Variants in B3GALT1 observed in about 807,000 individuals in gnomAD.
The protein encoded by B3GALT1 is beta-1,3-galactosyltransferase 1, also known as UDP-Gal:betaGlcNAc beta 1,3-galactosyltransferase, polypeptide 1.
Under a neutral mutation model 23.2 loss-of-function variants are expected in B3GALT1, and 10 were observed. The ratio of observed to expected loss-of-function variants is 0.43; its 90% CI spans 0.27 to 0.73. The LOEUF (loss-of-function observed/expected upper bound fraction) is 0.73. Among genes scored for constraint, B3GALT1 ranks in the 30% least tolerant of loss-of-function variants. The probability of loss-of-function intolerance (pLI) is 0.21; values close to 1 mark genes in which losing one functional copy is unlikely to be tolerated. For synonymous variants in B3GALT1, 156 were observed against 141.5 expected (o/e 1.10, Z -0.73); for missense variants, 299 against 405.4 (o/e 0.74, Z 2.25).
intron 1 of B3GALT1, among the ~76,000 whole-genome samples, chr2:167,305,781 A>AT (rs1696542686): frequency 6.6e-6 from 1 of 152,170 alleles, no homozygotes; most frequent in African/African-American, 2.4e-5. Context: ...GACCACAAAG[A>AT]TAGCCATGAG....
intron 2 of B3GALT1, among the ~76,000 whole-genome samples, chr2:167,493,391 C>T (rs1699736900): frequency 6.6e-6 from 1 of 152,110 alleles, no homozygotes; most frequent in Non-Finnish European, 1.5e-5. Flanking sequence ...ATATACAAAG[C>T]CCTACATCAG....
chr2:167,312,815 C>A (rs749169165), intron 1 of B3GALT1, among the ~76,000 whole-genome samples: 1 of 152,070 alleles, frequency 6.6e-6, no homozygotes, highest in African/African-American at 2.4e-5. Context: ...GATAGCACAA[C>A]AGTTTAGGCA....
rs900279140 is a variant in B3GALT1 at position 167,604,381 on chromosome 2, A to G, written c.-409-42528A>G. On this transcript the variant is annotated intron_variant, in intron 2 of 4. Coordinates refer to ENST00000392690, the MANE Select transcript of B3GALT1 (RefSeq NM_020981.4). The stretch of plus-strand genomic sequence containing the variant: ...TTTGATTACATATCAAAAACAAGGG[A>G]CATTATTGGTTACTGAGTATGCAGT... 2.6e-5 allele frequency among the ~76,000 whole-genome samples: 4 copies of G among 152,336 alleles called. No homozygotes were observed. The East Asian group carries it at 7.7e-4, about 29-fold the overall frequency.
intron 2 of B3GALT1, among the ~76,000 whole-genome samples, chr2:167,637,913 C>G: frequency 6.6e-6 from 1 of 151,786 alleles, no homozygotes. Context: ...AAGTCTCTGC[C>G]CATAGTTGCT....
intron 2 of B3GALT1, among the ~76,000 whole-genome samples, chr2:167,542,386 C>T (rs1209653901): frequency 2.0e-5 from 3 of 152,230 alleles, no homozygotes; most frequent in Admixed American, 2.0e-4. Flanking sequence ...GGTGGTTTTG[C>T]TACATGCTTA....
At chr2:167,867,523 A>G (rs1172703967) in intron 4 of B3GALT1, among the ~76,000 whole-genome samples, 1 of 152,160 alleles carries the variant, frequency 6.6e-6, no homozygotes, top group African/African-American at 2.4e-5. Context: ...ATATATTCAC[A>G]GTCAGCTCTT....
chr2:167,812,103 C>G lies in B3GALT1; in HGVS notation c.-351-6569C>G, dbSNP rs372171967. ...AATAAGCAAAAGCAAAACAACTGCC[C>G]CCAGATGGTCAGTGTCATTTCTCAC... On this transcript the variant is annotated intron_variant, in intron 3 of 4. Transcript: ENST00000392690. Among the ~76,000 whole-genome samples the G allele has an allele frequency of 9.9e-5, 15 of 152,284 alleles. No homozygotes were observed. In the East Asian group the frequency reaches 2.5e-3, roughly 25 times the overall value.
At chr2:167,365,510 G>T (rs1697571539) in intron 1 of B3GALT1, among the ~76,000 whole-genome samples, 1 of 151,438 alleles carries the variant, frequency 6.6e-6, no homozygotes, top group Non-Finnish European at 1.5e-5. Context: ...CCCCTAGTTT[G>T]CAAGATGCCA....
intron 2 of B3GALT1, among the ~76,000 whole-genome samples, chr2:167,597,334 C>G (rs1399210088): frequency 1.3e-5 from 2 of 152,022 alleles, no homozygotes; most frequent in African/African-American, 2.4e-5. Flanking sequence ...ACAAGATAGT[C>G]TCGATCTCCT....
intron 2 of B3GALT1, among the ~76,000 whole-genome samples, chr2:167,621,143 C>CA: frequency 7.3e-6 from 1 of 137,474 alleles, no homozygotes; most frequent in Non-Finnish European, 1.5e-5. Flanking sequence ...GGCTGGAGTG[C>CA]AGTGGCACAA....
At chr2:167,646,880 A>G (rs1685756219) in intron 2 of B3GALT1, among the ~76,000 whole-genome samples, 29 bp from the exon 3 acceptor site, 1 of 152,158 alleles carries the variant, frequency 6.6e-6, no homozygotes, top group Non-Finnish European at 1.5e-5. Flanking sequence ...TTTTAATCTA[A>G]ATGTATTTTT....
chr2:167,758,575 T>G (rs1687853341), intron 3 of B3GALT1, among the ~76,000 whole-genome samples: 1 of 152,074 alleles, frequency 6.6e-6, no homozygotes, highest in Admixed American at 6.6e-5. Context: ...CATTGCTGCC[T>G]CCGATGCTGC....
At chr2:167,776,453 A>G (rs1379555548) in intron 3 of B3GALT1, among the ~76,000 whole-genome samples, 2 of 152,206 alleles carry the variant, frequency 1.3e-5, no homozygotes, top group African/African-American at 4.8e-5. Flanking sequence ...TGAAAGACAG[A>G]GCTGATGACA....
intron 1 of B3GALT1, among the ~76,000 whole-genome samples, chr2:167,377,641 A>T (rs1285540663): frequency 6.6e-6 from 1 of 152,088 alleles, no homozygotes; most frequent in Non-Finnish European, 1.5e-5. Flanking sequence ...AAAAACAGTG[A>T]CCCCTGCCTT....
Position 167,573,630 on chromosome 2 carries a change from A to T in B3GALT1, c.-409-73279A>T, listed in dbSNP as rs535368630. ...TTGTTGAATTGTAATTGCTGTAATT[A>T]TGTATGTTTATCTGGAGAATTGTAA... is the stretch of plus-strand genomic sequence containing the variant. On this transcript the variant is annotated intron_variant, in intron 2 of 4. Coordinates refer to ENST00000392690, the MANE Select transcript of B3GALT1 (RefSeq NM_020981.4). Among the ~76,000 whole-genome samples, 3 of 151,910 alleles carry T rather than the reference A, an allele frequency of 2.0e-5. 1 individual carries two copies. The highest frequency in any genetic ancestry group is 7.2e-5 in the African/African-American group (3 of 41,510).
intron 2 of B3GALT1, among the ~76,000 whole-genome samples, chr2:167,506,858 T>C (rs1023277006): frequency 5.9e-5 from 9 of 152,126 alleles, no homozygotes; most frequent in Non-Finnish European, 1.3e-4. Context: ...ATGGTATACA[T>C]TGCAAACATC....
At chr2:167,762,824 GT>G (rs1447485391) in intron 3 of B3GALT1, among the ~76,000 whole-genome samples, 1 of 152,110 alleles carries the variant, frequency 6.6e-6, no homozygotes, top group Non-Finnish European at 1.5e-5. Context: ...CTAACTTAAG[GT>G]TGAAATAGTG....
chr2:167,625,430 G>A (rs576345505), intron 2 of B3GALT1, among the ~76,000 whole-genome samples: 6 of 151,872 alleles, frequency 4.0e-5, no homozygotes, highest in East Asian at 1.9e-4. Context: ...TCTTGACCAA[G>A]CAGTATTTAA....
chr2:167,761,660 T>C (rs1250983678), intron 3 of B3GALT1, among the ~76,000 whole-genome samples: 1 of 152,210 alleles, frequency 6.6e-6, no homozygotes, highest in Non-Finnish European at 1.5e-5. Flanking sequence ...AGTGAAACCC[T>C]TACTATTTCT....
Sources: allele counts gnomAD v4.1 joint callset (sites outside exome capture counted in the v4.1 genomes callset), GRCh38; gene constraint gnomAD v4.1.1; transcripts MANE v1.5; gene names NCBI Gene and HGNC (gene_info 2026-07-23, HGNC 2026-07-21).